The following TAOK1 variants were observed in gnomAD, a reference collection of about 807,000 sequenced individuals.
The protein encoded by TAOK1 is TAO kinase 1.
In TAOK1, 21 loss-of-function variants were observed where a neutral mutation model predicts 138.3. The observed-to-expected ratio is 0.15, with a 90% confidence interval of 0.11 to 0.22. The LOEUF (loss-of-function observed/expected upper bound fraction) is 0.22. Ranked by LOEUF, TAOK1 falls within the 10% of genes least tolerant of loss-of-function variation. The pLI, the probability that TAOK1 is intolerant of heterozygous loss-of-function variation, is 1.00. For missense variants in TAOK1, 651 were observed against 1,227.7 expected, an observed-to-expected ratio of 0.53 and a Z score of 7.02; for synonymous variants, 361 against 398.4, an observed-to-expected ratio of 0.91 and a Z score of 1.12.
intron 15 of TAOK1, among the ~76,000 whole-genome samples, chr17:29,516,506 T>C (rs995546515): frequency 2.7e-4 from 40 of 150,082 alleles, no homozygotes; most frequent in African/African-American, 9.5e-4. Context: ...GGCTAATTTT[T>C]TTTTTTTTTT....
At chr17:29,393,749 A>AC (rs1904502329) in intron 1 of TAOK1, among the ~76,000 whole-genome samples, 1 of 152,206 alleles carries the variant, frequency 6.6e-6, no homozygotes, top group African/African-American at 2.4e-5. Flanking sequence ...AGAATTTCTG[A>AC]GAATCAGCTG....
At chr17:29,534,928 GGT>G (rs71138832) in intron 19 of TAOK1, among the ~76,000 whole-genome samples, 13,880 of 146,994 alleles carry the variant, frequency 0.094, 787 homozygotes, top group South Asian at 0.16. Context: ...AGGATACTAA[GGT>G]GTGTGTGTGT....
At chr17:29,392,440 T>G (rs1775518623) in intron 1 of TAOK1, among the ~76,000 whole-genome samples, 1 of 152,234 alleles carries the variant, frequency 6.6e-6, no homozygotes, top group African/African-American at 2.4e-5. Flanking sequence ...CATTTTTCAC[T>G]TCTTTTGCTA....
chr17:29,450,826 G>C (rs2030213337), intron 1 of TAOK1, among the ~76,000 whole-genome samples: 1 of 152,146 alleles, frequency 6.6e-6, no homozygotes, highest in African/African-American at 2.4e-5. Context: ...ATGACAGCCA[G>C]TATTAAAACT....
At position 29,547,874 on chromosome 17, in the gene TAOK1, G is replaced by C. The variant is rs1412873669; in HGVS notation, c.*4852G>C. ...GGATGAAGAGTTGGCTGTACACTTA[G>C]CGGACTTGCCTCTTGTATGCAAGGA... On this transcript the variant is annotated 3_prime_UTR_variant, in exon 20 of 20. Coordinates refer to ENST00000261716, the MANE Select transcript of TAOK1 (RefSeq NM_020791.4). 1 of 152,116 alleles carries C rather than the reference G, an allele frequency of 6.6e-6. No homozygotes were observed. Among genetic ancestry groups the C allele is most frequent in the Non-Finnish European group, 1.5e-5 (1 of 67,994 alleles). The allele number at this position is 152,116 out of a possible 1,614,324, so 9.4% of individuals were successfully genotyped here.
intron 1 of TAOK1, among the ~76,000 whole-genome samples, chr17:29,430,916 G>A (rs1354086257): frequency 6.6e-6 from 1 of 152,146 alleles, no homozygotes; most frequent in Non-Finnish European, 1.5e-5. Flanking sequence ...GAACTGGCTG[G>A]AACTTTGCTG....
intron 12 of TAOK1, among the ~76,000 whole-genome samples, chr17:29,499,607 T>C (rs1312762880): frequency 1.3e-5 from 2 of 148,646 alleles, no homozygotes; most frequent in African/African-American, 5.0e-5. Context: ...TTGCCCAGTC[T>C]GGAGTGCAGT....
intron 1 of TAOK1, among the ~76,000 whole-genome samples, chr17:29,405,143 C>A (rs1180148421): frequency 6.6e-6 from 1 of 152,000 alleles, no homozygotes; most frequent in South Asian, 2.1e-4. Context: ...CCAGGCCCAG[C>A]TTATTTTTGT....
intron 1 of TAOK1, among the ~76,000 whole-genome samples, chr17:29,442,390 T>G (rs1007424238): frequency 5.4e-5 from 7 of 130,466 alleles, no homozygotes; most frequent in Admixed American, 7.4e-5. Flanking sequence ...TTTTTTTCTG[T>G]TTTTTTTTTT....
chr17:29,397,663 T>TG (rs1598462825), intron 1 of TAOK1, among the ~76,000 whole-genome samples: 1 of 108,492 alleles, frequency 9.2e-6, no homozygotes, highest in Non-Finnish European at 1.8e-5. Flanking sequence ...TATTCATGTA[T>TG]GATACATGTA....
At chr17:29,476,172 C>G (rs1452162178) in intron 4 of TAOK1, among the ~76,000 whole-genome samples, 1 of 152,194 alleles carries the variant, frequency 6.6e-6, no homozygotes, top group African/African-American at 2.4e-5. Flanking sequence ...GAAATTTGAG[C>G]TGATCACGAT....
At chr17:29,394,840 A>G (rs1904547461) in intron 1 of TAOK1, among the ~76,000 whole-genome samples, 2 of 152,248 alleles carry the variant, frequency 1.3e-5, no homozygotes, top group South Asian at 2.1e-4. Context: ...CAGGCCTGTA[A>G]TGCCAGCGCT....
At chr17:29,491,702 C>A in intron 9 of TAOK1, 82 bp from the exon 10 acceptor site, 2 of 960,836 alleles carry the variant, frequency 2.1e-6, no homozygotes, top group Non-Finnish European at 1.7e-6. Context: ...TCCCCTCCCA[C>A]CAATAGGCAC....
Position 29,482,769 on chromosome 17 carries a change from G to A in TAOK1, c.655+481G>A, listed in dbSNP as rs189181609. 6.0e-4 allele frequency among the ~76,000 whole-genome samples: 91 copies of A among 150,648 alleles called. No homozygotes were observed. The East Asian group carries it at 0.016, about 26-fold the overall frequency. ...TTTTTTTTTTTAAGACGGTAAGGCC[G>A]ACTTCATTCAACAGGGGCCATGATC... On this transcript the variant is annotated intron_variant, in intron 8 of 19. Transcript: ENST00000261716.
At chr17:29,533,846 AGG>A in intron 18 of TAOK1, among the ~76,000 whole-genome samples, 1 of 113,568 alleles carries the variant, frequency 8.8e-6, no homozygotes, top group Non-Finnish European at 1.8e-5. Context: ...AGGGAGGGGG[AGG>A]GGGAGAGGGG....
chr17:29,402,174 A>G, intron 1 of TAOK1, among the ~76,000 whole-genome samples: 1 of 152,202 alleles, frequency 6.6e-6, no homozygotes, highest in East Asian at 1.9e-4. Context: ...GCAGGGTACC[A>G]GTAGTTTTGG....
chr17:29,440,382 A>G (rs2029907217), intron 1 of TAOK1, among the ~76,000 whole-genome samples: 1 of 152,048 alleles, frequency 6.6e-6, no homozygotes, highest in Non-Finnish European at 1.5e-5. Flanking sequence ...TCATATTGTA[A>G]CTCTGTGTTG....
intron 18 of TAOK1, among the ~76,000 whole-genome samples, chr17:29,531,857 CCTTT>C (rs1176449892): frequency 1.3e-5 from 2 of 151,256 alleles, no homozygotes; most frequent in Admixed American, 6.6e-5. Context: ...AAGATGTAAC[CCTTT>C]CTTTTTTTTT....
At chr17:29,410,439 AACGGGGTTTC>A (rs1905110524) in intron 1 of TAOK1, among the ~76,000 whole-genome samples, 1 of 150,534 alleles carries the variant, frequency 6.6e-6, no homozygotes, top group Non-Finnish European at 1.5e-5. Flanking sequence ...TTTTAGCAGA[AACGGGGTTTC>A]ACTATGTTAG....
Sources: allele counts gnomAD v4.1 joint callset (sites outside exome capture counted in the v4.1 genomes callset), GRCh38; gene constraint gnomAD v4.1.1; transcripts MANE v1.5; gene names NCBI Gene and HGNC (gene_info 2026-07-23, HGNC 2026-07-21).